CSE1L: variants seen among roughly 807,000 people sequenced by gnomAD.
CSE1L encodes exportin-2.
A neutral mutation model predicts 120.4 loss-of-function variants in CSE1L; 24 were observed. The ratio of observed to expected loss-of-function variants is 0.20; its 90% CI spans 0.14 to 0.28. The LOEUF (loss-of-function observed/expected upper bound fraction) is 0.28, where lower values mean the gene tolerates loss of function less well. CSE1L is among the 10% of genes least tolerant of loss of function. The pLI is 1.00. For synonymous variants in CSE1L, 402 were observed against 398.3 expected, an observed-to-expected ratio of 1.01 and a Z score of -0.11; for missense variants, 830 against 1,145.2, an observed-to-expected ratio of 0.72 and a Z score of 3.97.
chr20:49,078,663 TAAGA>T, intron 14 of CSE1L, 41 bp downstream of exon 14: 7 of 1,365,056 alleles, frequency 5.1e-6, no homozygotes, highest in Non-Finnish European at 7.0e-6. Flanking sequence ...TTAATCTCTT[TAAGA>T]GTTTTATTAT....
chr20:49,053,138 CCT>C (rs1316194190), intron 1 of CSE1L, among the ~76,000 whole-genome samples: 1 of 135,384 alleles, frequency 7.4e-6, no homozygotes, highest in African/African-American at 2.8e-5. Flanking sequence ...AGTGAGACCC[CCT>C]GTCTCTCTTT....
At chr20:49,094,685 C>T in intron 23 of CSE1L, 47 bp from the exon 24 acceptor site, 1 of 1,344,082 alleles carries the variant, frequency 7.4e-7, no homozygotes, top group Middle Eastern at 2.0e-4. Flanking sequence ...TTTAAGTCTT[C>T]CGAGTATTTT....
intron 12 of CSE1L, among the ~76,000 whole-genome samples, chr20:49,076,445 C>T (rs762520418): frequency 4.6e-5 from 7 of 151,438 alleles, no homozygotes; most frequent in Non-Finnish European, 1.0e-4. Flanking sequence ...CTTGGCCTCC[C>T]AAAGTGCTGG....
At position 49,089,516 on chromosome 20, in the gene CSE1L, CTG is replaced by C. The variant is rs751411915; in HGVS notation, c.1973-20_1973-19del. ...GTCATTCCTTCTGAAGCTCACAGCT[CTG>C]TTTTTACTTTTATCAACAGAATTTA... is the stretch of plus-strand genomic sequence containing the variant. On this transcript the variant is annotated intron_variant, in intron 18 of 24. Coordinates refer to ENST00000262982, the MANE Select transcript of CSE1L (RefSeq NM_001316.4). The C allele has an allele frequency of 6.2e-7, 1 of 1,612,712 alleles. No individual in the cohort carries two copies. Among genetic ancestry groups the C allele is most frequent in the Non-Finnish European group, 8.5e-7 (1 of 1,178,884 alleles).
rs374191395 is a variant in CSE1L, at chr20:49,068,722, T to A, written c.575T>A (p.Ile192Asn). 1 of 1,612,486 alleles carries A rather than the reference T, an allele frequency of 6.2e-7. No homozygotes were observed. The highest frequency in any genetic ancestry group is 8.5e-7 in the Non-Finnish European group (1 of 1,178,514). Residue 192 changes from isoleucine to asparagine, a missense_variant, in exon 7 of 25, where the codon ATT becomes AAT. By Grantham distance (149) the Ile-to-Asn change is moderately radical (BLOSUM62 -3). Transcript: ENST00000262982. The stretch of plus-strand genomic sequence containing the variant: ...GCTAAATTCCTTTCCAAGGCCACTA[T>A]TGAACTCTGCAGTACCCATGCAAAT... ...LPLTNLFKAT[I>N]ELCSTHANDA...
At position 49,066,496 on chromosome 20, in the gene CSE1L, T is replaced by C; in HGVS notation, c.462T>C (p.His154=). Residue 154 remains histidine (H), a synonymous_variant, in exon 5 of 25, where the codon CAT becomes CAC. Transcript: ENST00000262982. ...TTAATGGAGTCCTCCGTACAGCACA[T>C]TCATTATTTAAAAGGTATTGATGCA... is the stretch of plus-strand genomic sequence containing the variant. ...HVINGVLRTA[H]SLFKRYRHEF... 6.2e-7 allele frequency: 1 copy of C among 1,611,118 alleles called. No individual in the cohort carries two copies.
chr20:49,071,438 G>A (rs2091930630), intron 8 of CSE1L, among the ~76,000 whole-genome samples: 2 of 152,172 alleles, frequency 1.3e-5, no homozygotes, highest in Admixed American at 6.5e-5. Flanking sequence ...TACTATTTAT[G>A]CCTTAAGTAA....
chr20:49,069,841 A>T lies in CSE1L; in HGVS notation c.676-364A>T, dbSNP rs138886490. On this transcript the variant is annotated intron_variant, in intron 7 of 24. Coordinates refer to ENST00000262982, the MANE Select transcript of CSE1L (RefSeq NM_001316.4). ...TCAGTAACTAAAAGACAATTAGTTT[A>T]TCTGCCTTGGTGGTCATCTTACAAT... 1.9e-3 allele frequency among the ~76,000 whole-genome samples: 288 copies of T among 152,366 alleles called. 1 individual carries two copies. The highest frequency in any genetic ancestry group is 6.7e-3 in the African/African-American group (280 of 41,588).
intron 2 of CSE1L, among the ~76,000 whole-genome samples, chr20:49,061,595 C>T (rs954416226): frequency 1.3e-5 from 2 of 151,614 alleles, no homozygotes; most frequent in African/African-American, 4.8e-5. Context: ...CTCCACCTCC[C>T]GGGTTCACCC....
intron 14 of CSE1L, 48 bp downstream of exon 14, chr20:49,078,670 TTTA>T (rs755229115): frequency 8.0e-7 from 1 of 1,257,196 alleles, no homozygotes; most frequent in Non-Finnish European, 1.1e-6. Flanking sequence ...CTTTAAGAGT[TTTA>T]TTATGTACCA....
In CSE1L at chr20:49,084,087, G is replaced by C. The variant is rs1325654375; in HGVS notation, c.1544G>C (p.Ser515Thr). 6.2e-7 allele frequency: 1 copy of C among 1,614,048 alleles called. No homozygotes were observed. The highest frequency in any genetic ancestry group is 1.7e-5 in the Admixed American group (1 of 60,014). The part of the protein sequence containing the change: ...PLLINHLQAE[S>T]IVVHTYAAHA... ...TTGATTAATCATCTTCAAGCTGAAA[G>C]TATTGTTGTTCATACTTACGCAGCT... is the stretch of plus-strand genomic sequence containing the variant. Residue 515 changes from serine to threonine, a missense_variant, in exon 15 of 25, where the codon AGT (serine) becomes ACT (threonine). Coordinates refer to ENST00000262982, the MANE Select transcript of CSE1L (RefSeq NM_001316.4).
intron 10 of CSE1L, among the ~76,000 whole-genome samples, chr20:49,074,148 C>A (rs1273159088): frequency 2.1e-5 from 3 of 142,206 alleles, no homozygotes; most frequent in Non-Finnish European, 4.5e-5. Context: ...GAGGTGGAGG[C>A]TGCAGTGAGA....
Position 49,088,004 on chromosome 20 carries a change from T to C in CSE1L, c.1724-5T>C, listed in dbSNP as rs368012684. On this transcript the variant is annotated splice_polypyrimidine_tract_variant and splice_region_variant and intron_variant, in intron 16 of 24. Transcript: ENST00000262982. ...ATTTGTTTTTGCTGTTTTTGTATTT[T>C]ACAGCTATCATGAGAAGTTTTTCTC... 5 of 1,579,614 alleles carry C rather than the reference T, an allele frequency of 3.2e-6. No homozygotes were observed. In the African/African-American group the frequency reaches 6.8e-5, roughly 21 times the overall value.
chr20:49,058,587 C>T, intron 2 of CSE1L, 39 bp downstream of exon 2: 2 of 1,510,704 alleles, frequency 1.3e-6, no homozygotes, highest in Non-Finnish European at 1.8e-6. Context: ...TTAATTCCTT[C>T]AGGACAGGTG....
chr20:49,058,065 C>T (rs975475049), intron 1 of CSE1L, among the ~76,000 whole-genome samples: 5 of 152,280 alleles, frequency 3.3e-5, no homozygotes, highest in South Asian at 2.1e-4. Context: ...AGCCACTGCC[C>T]GGGCTCCTTA....
intron 1 of CSE1L, among the ~76,000 whole-genome samples, chr20:49,050,664 G>A (rs2091760204): frequency 6.6e-6 from 1 of 151,706 alleles, no homozygotes; most frequent in South Asian, 2.1e-4. Context: ...GCCTGCTTCG[G>A]CCTCCCAAAG....
intron 6 of CSE1L, among the ~76,000 whole-genome samples, chr20:49,067,700 C>T (rs564314296): frequency 6.6e-6 from 1 of 151,660 alleles, no homozygotes; most frequent in South Asian, 2.1e-4. Context: ...TGTGAAAATC[C>T]TATAAGATTT....
intron 1 of CSE1L, among the ~76,000 whole-genome samples, chr20:49,046,897 C>T (rs1050074987): frequency 9.2e-5 from 14 of 152,336 alleles, no homozygotes; most frequent in Non-Finnish European, 1.3e-4. Context: ...CGTGGAGCTG[C>T]GGCTGCCTCG....
intron 2 of CSE1L, among the ~76,000 whole-genome samples, chr20:49,061,196 G>C (rs1293037331): frequency 7.5e-6 from 1 of 133,356 alleles, no homozygotes; most frequent in East Asian, 2.1e-4. Context: ...TTTTGGAGAC[G>C]GAGTCTCCCT....
Sources: gnomAD v4.1 joint callset for allele counts (sites outside exome capture counted in the v4.1 genomes callset) on GRCh38, gnomAD v4.1.1 for gene constraint, MANE v1.5 for transcripts, NCBI Gene and HGNC (gene_info 2026-07-23, HGNC 2026-07-21) for gene names.